The following RPS8 variants were observed in gnomAD, a reference collection of about 807,000 sequenced individuals.
RPS8 encodes the protein ribosomal protein S8, also known as small ribosomal subunit protein eS8.
For missense variants in RPS8, 141 were observed against 269.7 expected (o/e 0.52, Z 3.34); for synonymous variants, 100 against 100.7 (o/e 0.99, Z 0.04).
chr1:44,776,287 C>T, intron 2 of RPS8, 147 bp downstream of exon 2: 1 of 663,952 alleles, frequency 1.5e-6, no homozygotes, highest in Non-Finnish European at 2.6e-6. Flanking sequence ...CCCCCTTTAG[C>T]TGTTGGATAA....
intron 3 of RPS8, 195 bp from the exon 4 acceptor site, chr1:44,777,419 A>C (rs1450866951): frequency 1.7e-6 from 1 of 589,866 alleles, no homozygotes; most frequent in Non-Finnish European, 3.1e-6. Context: ...GGGCTGGTAA[A>C]GACTGCGGGT....
In RPS8 at chr1:44,778,044, A is replaced by G; in HGVS notation, c.432A>G (p.Lys144=). The part of the protein sequence containing the change: ...EEILNKKRSK[K]IQKKYDERKK... ...TTTTAAACAAAAAACGATCTAAAAA[A>G]ATTCAGAAGAAATATGATGAAAGGA... Residue 144 remains lysine, a synonymous_variant, in exon 5 of 6, where the codon AAA becomes AAG. Coordinates refer to ENST00000396651, the MANE Select transcript of RPS8 (RefSeq NM_001012.2). The G allele has an allele frequency of 6.2e-7, 1 of 1,613,706 alleles. No homozygotes were observed. The highest frequency in any genetic ancestry group is 8.5e-7 in the Non-Finnish European group (1 of 1,179,736).
intron 3 of RPS8, 66 bp from the exon 4 acceptor site, chr1:44,777,548 C>T: frequency 7.5e-7 from 1 of 1,336,820 alleles, no homozygotes; most frequent in East Asian, 2.3e-5. Flanking sequence ...GCTGAAGAAC[C>T]TGGAGGAGTG....
intron 5 of RPS8, 104 bp from the exon 6 acceptor site, chr1:44,778,472 G>C (rs1382291697): frequency 3.2e-6 from 3 of 939,580 alleles, no homozygotes; most frequent in Admixed American, 1.7e-5. Context: ...CTGGCTTCAT[G>C]CTTGCCCCCA....
rs74070602 is a variant in RPS8 at position 44,775,596 on chromosome 1, G to T, written c.-1G>T. On this transcript the variant is annotated 5_prime_UTR_variant, in exon 1 of 6. Coordinates refer to ENST00000396651, the MANE Select transcript of RPS8 (RefSeq NM_001012.2). The stretch of plus-strand genomic sequence containing the variant: ...TTTCTCTTTCCAGCCAGCGCCGAGC[G>T]ATGGGTGAGTGTCGCTCTGCATTGA... The T allele has an allele frequency of 7.8e-4, 1,263 of 1,614,170 alleles. 6 individuals carry two copies. In the African/African-American group the frequency reaches 0.014, roughly 18 times the overall value.
In RPS8 at chr1:44,778,115, A is replaced by G; in HGVS notation, c.503A>G (p.Gln168Arg). 3.1e-6 allele frequency: 5 copies of G among 1,596,442 alleles called. No homozygotes were observed. Among genetic ancestry groups the G allele is most frequent in the Non-Finnish European group, 4.3e-6 (5 of 1,171,016 alleles). The change falls in exon 5 of 6, where the codon CAG becomes CGG. Residue 168 changes from glutamine to arginine, a missense_variant. Gln to Arg is a conservative substitution (Grantham distance 43). Transcript: ENST00000396651. Reference protein sequence around the residue: ...ISSLLEEQFQQGKLLACIASR... With the variant: ...ISSLLEEQFQRGKLLACIASR... ...AGTCTCCTGGAGGAGCAGTTCCAGC[A>G]GGGCAAGCTTCTTGGTGAGAAGGCT...
chr1:44,778,544 C>T (rs754700564), intron 5 of RPS8, 32 bp from the exon 6 acceptor site: 22 of 1,569,530 alleles, frequency 1.4e-5, no homozygotes, highest in South Asian at 6.6e-5. Context: ...GCCACCTTGT[C>T]GTTGTGCTAA....
intron 2 of RPS8, 194 bp from the exon 3 acceptor site, chr1:44,776,481 C>T (rs149584541): frequency 8.0e-4 from 613 of 764,380 alleles, no homozygotes; most frequent in Non-Finnish European, 1.2e-3. Context: ...AGGCTTTCCT[C>T]TTGGAGGCAA....
rs765682906 is a variant in RPS8, at chr1:44,777,755, C to T, written c.353C>T (p.Ala118Val). 85 of 1,614,144 alleles carry T rather than the reference C, an allele frequency of 5.3e-5. No homozygotes were observed. Among genetic ancestry groups the T allele is most frequent in the East Asian group, 5.1e-4 (23 of 44,888 alleles). ...CGACAGTGGTACGAGTCCCACTATG[C>T]GCTGCCCCTGGGCCGCAAGAAGGGA... The part of the protein sequence containing the change: ...PYRQWYESHY[A>V]LPLGRKKGAK... The change falls in exon 4 of 6, where the codon GCG (alanine) becomes GTG (valine). Residue 118 changes from alanine (A) to valine (V), a missense_variant. Transcript: ENST00000396651.
intron 2 of RPS8, chr1:44,776,430 T>C: frequency 1.3e-6 from 1 of 753,428 alleles, no homozygotes. Flanking sequence ...AAGCCTAGTC[T>C]TGTTTTTTTT....
In RPS8 at chr1:44,778,658, G is replaced by A. The variant is rs115900939; in HGVS notation, c.600G>A (p.Arg200=). Residue 200 remains arginine (R), a synonymous_variant, in exon 6 of 6, where the codon AGG becomes AGA. Transcript: ENST00000396651. ...LEGKELEFYL[R]KIKARKGK ...GCAAAGAGTTGGAGTTCTATCTTAGGAAAATCAAGGCCCGCAAAGGCAAAT... is the reference window on the plus strand; with the variant it reads ...GCAAAGAGTTGGAGTTCTATCTTAGAAAAATCAAGGCCCGCAAAGGCAAAT... 255 of 1,612,352 alleles carry A rather than the reference G, an allele frequency of 1.6e-4. 1 individual carries two copies. In the African/African-American group the frequency reaches 3.1e-3, roughly 19 times the overall value.
rs767785781 is a variant in RPS8, at chr1:44,778,180, C to T, written c.517+51C>T. 5.2e-5 allele frequency: 83 copies of T among 1,586,624 alleles called. No individual in the cohort carries two copies. In the East Asian group the frequency reaches 7.9e-4, roughly 15 times the overall value. ...GGGGAGTCGCAGAGATTGAGTGTGC[C>T]GAGGCACTTTTCCCTTGTCTCAGTT... is the stretch of plus-strand genomic sequence containing the variant. On this transcript the variant is annotated intron_variant, in intron 5 of 5. Transcript: ENST00000396651.
intron 2 of RPS8, chr1:44,776,423 C>A: frequency 1.3e-6 from 1 of 751,056 alleles, no homozygotes; most frequent in South Asian, 1.4e-5. Flanking sequence ...TAGTCAGAAG[C>A]CTAGTCTTGT....
chr1:44,776,849 C>T (rs369704013), intron 3 of RPS8, 75 bp downstream of exon 3: 4 of 1,120,056 alleles, frequency 3.6e-6, no homozygotes, highest in East Asian at 2.5e-5. Context: ...GGGCCTGGCG[C>T]GGTGGCTCAC....
Position 44,777,657 on chromosome 1 carries a change from A to G in RPS8, c.255A>G (p.Ala85=), listed in dbSNP as rs748034169. The change falls in exon 4 of 6, where the codon GCA becomes GCG. Residue 85 remains alanine (A), a synonymous_variant. Transcript: ENST00000396651. ...GGATCATCGATGTTGTCTACAATGC[A>G]TCTAATAACGAGCTGGTTCGTACCA... ...KTRIIDVVYN[A]SNNELVRTKT... 13 of 1,613,866 alleles carry G rather than the reference A, an allele frequency of 8.1e-6. No individual in the cohort carries two copies. Among genetic ancestry groups the G allele is most frequent in the Non-Finnish European group, 1.1e-5 (13 of 1,179,856 alleles).
chr1:44,776,089 C>T lies in RPS8; in HGVS notation c.60C>T (p.Pro20=), dbSNP rs747668843. The change falls in exon 2 of 6, where the codon CCC becomes CCT. Residue 20 remains proline (P), a synonymous_variant. Transcript: ENST00000396651. ...KRRKTGGKRK[P]YHKKRKYELG... is the part of the protein sequence containing the mutation. ...GCAAAACCGGGGGCAAGAGAAAGCC[C>T]TACCACAAGAAGCGGAAGTATGAGT... is the stretch of plus-strand genomic sequence containing the variant. 2 of 1,610,580 alleles carry T rather than the reference C, an allele frequency of 1.2e-6. No homozygotes were observed. The highest frequency in any genetic ancestry group is 1.7e-6 in the Non-Finnish European group (2 of 1,179,110).
At chr1:44,777,162 C>A in intron 3 of RPS8, 1 of 210,862 alleles carries the variant, frequency 4.7e-6, no homozygotes. Flanking sequence ...GCCTCCGCCT[C>A]CTGGGTTGAA....
Position 44,777,757 on chromosome 1 carries a change from C to T in RPS8, c.355C>T (p.Leu119=), listed in dbSNP as rs758720829. 1 of 1,614,210 alleles carries T rather than the reference C, an allele frequency of 6.2e-7. No individual in the cohort carries two copies. Among genetic ancestry groups the T allele is most frequent in the Non-Finnish European group, 8.5e-7 (1 of 1,180,018 alleles). The change falls in exon 4 of 6, where the codon CTG becomes TTG. Residue 119 remains leucine (L), a synonymous_variant. Coordinates refer to ENST00000396651, the MANE Select transcript of RPS8 (RefSeq NM_001012.2). ...ACAGTGGTACGAGTCCCACTATGCGCTGCCCCTGGGCCGCAAGAAGGGAGC... is the reference window on the plus strand; with the variant it reads ...ACAGTGGTACGAGTCCCACTATGCGTTGCCCCTGGGCCGCAAGAAGGGAGC... ...YRQWYESHYA[L]PLGRKKGAKL...
At chr1:44,776,213 G>A in intron 2 of RPS8, 73 bp downstream of exon 2, 7 of 1,093,486 alleles carry the variant, frequency 6.4e-6, no homozygotes, top group Non-Finnish European at 9.2e-6. Flanking sequence ...GGGTCTTTCC[G>A]TGTGACAGTT....
Sources: allele counts gnomAD v4.1 joint callset, GRCh38; gene constraint gnomAD v4.1.1; transcripts MANE v1.5; gene names NCBI Gene and HGNC (gene_info 2026-07-23, HGNC 2026-07-21).